The following EPHB6 variants were observed in gnomAD, a reference collection of about 807,000 sequenced individuals.
EPHB6 encodes EPH receptor B6, also known as ephrin type-B receptor 6.
Under a neutral mutation model 107.0 loss-of-function variants are expected in EPHB6, and 51 were observed. The ratio of observed to expected loss-of-function variants is 0.48; its 90% CI spans 0.38 to 0.60. The LOEUF (loss-of-function observed/expected upper bound fraction) is 0.60, where lower values mean the gene tolerates loss of function less well. Ranked by LOEUF, EPHB6 falls within the 20% of genes least tolerant of loss-of-function variation. The pLI is 0.00. For synonymous variants in EPHB6, 553 were observed against 549.0 expected (o/e 1.01, Z -0.10); for missense variants, 1,141 against 1,355.5 (o/e 0.84, Z 2.48).
In EPHB6 at chr7:142,870,824, G is replaced by A; in HGVS notation, c.2989G>A (p.Ala997Thr). The A allele has an allele frequency of 6.2e-7, 1 of 1,614,124 alleles. No individual in the cohort carries two copies. Among genetic ancestry groups the A allele is most frequent in the South Asian group, 1.1e-5 (1 of 91,086 alleles). Residue 997 changes from alanine (A) to threonine (T), a missense_variant, in exon 20 of 20, where the codon GCT becomes ACT. Physicochemically the swap from Ala to Thr is moderately conservative, Grantham distance 58. Around this residue, in one of 3 missense-constraint regions of EPHB6, gnomAD observed 616 missense variants for 759.3 expected, o/e 0.81. Coordinates refer to ENST00000652003, the MANE Select transcript of EPHB6 (RefSeq NM_004445.6). ...CCTGCCTGCCCTGGGCATCACCCTG[G>A]CTGGCCACCAGAAGAAGCTGCTGCA... ...EDLPALGITL[A>T]GHQKKLLHHI...
rs758001996 is a variant in EPHB6, at chr7:142,862,960, TC to T, written c.-102+128del. 13 of 532,212 alleles carry T rather than the reference TC, an allele frequency of 2.4e-5. 1 individual carries two copies. Among genetic ancestry groups the T allele is most frequent in the East Asian group, 2.1e-4 (7 of 32,694 alleles). 33.0% of individuals were successfully genotyped at this position (532,212 alleles called of 1,614,324 possible). A position where few individuals can be genotyped will look rare whatever the true frequency, so the allele number is the denominator to read the frequency against. ...CCAAGATGGTCAAATGTGCACCGGC[TC>T]AGGAGAGGCAGTATGCAACCTGGCT... On this transcript the variant is annotated intron_variant, in intron 4 of 19. Transcript: ENST00000652003.
rs541552138 is a variant in EPHB6 at position 142,866,118 on chromosome 7, G to A, written c.1264G>A (p.Gly422Arg). 1 of 1,613,272 alleles carries A rather than the reference G, an allele frequency of 6.2e-7. No homozygotes were observed. Among genetic ancestry groups the A allele is most frequent in the African/African-American group, 1.3e-5 (1 of 74,904 alleles). Reference sequence around the variant, plus strand: ...CCGCCAGGAACCTGCCAGCGGTGGTGGGGGCACTTGTCACCGCTGCAGGGA... The same window carrying A: ...CCGCCAGGAACCTGCCAGCGGTGGTAGGGGCACTTGTCACCGCTGCAGGGA... ...EGRQEPASGG[G>R]GTCHRCRDEV... The change falls in exon 9 of 20, where the codon GGG becomes AGG. Residue 422 changes from glycine to arginine, a missense_variant. Gly to Arg is a moderately radical substitution (Grantham distance 125). This residue lies in a region of EPHB6 where 304 missense variants were observed against 295.7 expected (regional missense o/e 1.03). Coordinates refer to ENST00000652003, the MANE Select transcript of EPHB6 (RefSeq NM_004445.6). The surrounding 1 kb of genome is among the most constrained non-coding windows in gnomAD (Gnocchi z 5.2).
Position 142,868,303 on chromosome 7 carries a change from G to A in EPHB6, c.1981G>A (p.Glu661Lys). 6.2e-7 allele frequency: 1 copy of A among 1,614,166 alleles called. No individual in the cohort carries two copies. The highest frequency in any genetic ancestry group is 2.2e-5 in the East Asian group (1 of 44,878). The part of the protein sequence containing the change: ...TYEDPCQAIR[E>K]LAREVDPAYI... ...CGAGGACCCCTGTCAGGCCATCCGA[G>A]AACTTGCCCGGGAAGTCGATCCTGC... is the stretch of plus-strand genomic sequence containing the variant. Residue 661 changes from glutamate to lysine, a missense_variant, in exon 14 of 20, where the codon GAA becomes AAA. This residue lies in a region of EPHB6 where 616 missense variants were observed against 759.3 expected (regional missense o/e 0.81). Coordinates refer to ENST00000652003, the MANE Select transcript of EPHB6 (RefSeq NM_004445.6). The surrounding 1 kb of genome is among the most constrained non-coding windows in gnomAD (Gnocchi z 4.2).
rs769994901 is a variant in EPHB6 at position 142,869,015 on chromosome 7, G to A, written c.2328G>A (p.Met776Ile). 1.9e-6 allele frequency: 3 copies of A among 1,612,000 alleles called. No homozygotes were observed. In the African/African-American group the frequency reaches 4.0e-5, roughly 22 times the overall value. Residue 776 changes from methionine to isoleucine, a missense_variant, in exon 16 of 20, where the codon ATG becomes ATA. This residue lies in a region of EPHB6 where 616 missense variants were observed against 759.3 expected (regional missense o/e 0.81). Coordinates refer to ENST00000652003, the MANE Select transcript of EPHB6 (RefSeq NM_004445.6). The surrounding 1 kb of genome is among the most constrained non-coding windows in gnomAD (Gnocchi z 4.5). ...GQFSSLQLVA[M>I]QRGVAAAMQY... ...TCAGCAGCCTGCAGCTGGTGGCCAT[G>A]CAGCGGGGAGTGGCTGCTGCCATGC...
chr7:142,866,728 C>T lies in EPHB6; in HGVS notation c.1587+123C>T. 1.3e-6 allele frequency: 2 copies of T among 1,589,636 alleles called. No homozygotes were observed. Among genetic ancestry groups the T allele is most frequent in the Non-Finnish European group, 1.7e-6 (2 of 1,162,928 alleles). ...GGGTCCGCAACAGGGCTGGCAGGAG[C>T]TCACAGTCCCCACAGTAGGGGCCAG... On this transcript the variant is annotated intron_variant, in intron 10 of 19. Coordinates refer to ENST00000652003, the MANE Select transcript of EPHB6 (RefSeq NM_004445.6). The surrounding 1 kb of genome is among the most constrained non-coding windows in gnomAD (Gnocchi z 5.2).
intron 8 of EPHB6, 105 bp from the exon 9 acceptor site, chr7:142,865,855 C>T (rs1803131845): frequency 2.3e-6 from 3 of 1,281,760 alleles, no homozygotes; most frequent in Non-Finnish European, 2.2e-6. Flanking sequence ...GCTCTTCTGT[C>T]TCCTTCCCTC....
rs922710754 is a variant in EPHB6, at chr7:142,869,211, T to G, written c.2460+64T>G. 2 of 1,568,746 alleles carry G rather than the reference T, an allele frequency of 1.3e-6. No homozygotes were observed. Among genetic ancestry groups the G allele is most frequent in the Non-Finnish European group, 1.7e-6 (2 of 1,149,266 alleles). ...TGGCATGCCCCAGCAGGTGCTGGGGTCGGGGGTGAGCTGGAATCTGGGGTA... is the reference window on the plus strand; with the variant it reads ...TGGCATGCCCCAGCAGGTGCTGGGGGCGGGGGTGAGCTGGAATCTGGGGTA... On this transcript the variant is annotated intron_variant, in intron 16 of 19. Transcript: ENST00000652003. This position sits in a 1 kb window ranked among gnomAD's most constrained non-coding sequence, Gnocchi z 4.5.
rs750004214 is a variant in EPHB6, at chr7:142,864,566, C to G, written c.766C>G (p.Leu256Val). ...GGCCAGTGGGGCTGGGGGGGCCTCC[C>G]TGGTGGCAGCTGTGGGCACCTGTGT... ...TQASGAGGAS[L>V]VAAVGTCVAH... The change falls in exon 7 of 20, where the codon CTG becomes GTG. Residue 256 changes from leucine (L) to valine (V), a missense_variant. Leu to Val is a conservative substitution (Grantham distance 32, BLOSUM62 1). Transcript: ENST00000652003. The G allele has an allele frequency of 6.2e-7, 1 of 1,613,114 alleles. No individual in the cohort carries two copies. The highest frequency in any genetic ancestry group is 1.1e-5 in the South Asian group (1 of 91,086).
At chr7:142,856,022 G>C (rs1802593389) in intron 1 of EPHB6, among the ~76,000 whole-genome samples, 1 of 152,156 alleles carries the variant, frequency 6.6e-6, no homozygotes, top group South Asian at 2.1e-4. Flanking sequence ...CCCACCCACC[G>C]ATCTTGGCCG....
Position 142,866,038 on chromosome 7 carries a change from A to T in EPHB6, c.1184A>T (p.Glu395Val). The change falls in exon 9 of 20, where the codon GAG (glutamate) becomes GTG (valine). Residue 395 changes from glutamate to valine, a missense_variant. Glu to Val is a moderately radical substitution (Grantham distance 121, BLOSUM62 -2). Around this residue, in one of 3 missense-constraint regions of EPHB6, gnomAD observed 304 missense variants for 295.7 expected, o/e 1.03. Transcript: ENST00000652003. The surrounding 1 kb of genome is among the most constrained non-coding windows in gnomAD (Gnocchi z 5.2). ...ALMLHWRLPR[E>V]LGGRGDLLFN... ...ATGCTACACTGGCGCCTGCCTCGGGAGCTGGGGGGTCGAGGGGACCTGCTC... is the reference window on the plus strand; with the variant it reads ...ATGCTACACTGGCGCCTGCCTCGGGTGCTGGGGGGTCGAGGGGACCTGCTC... 1 of 1,613,196 alleles carries T rather than the reference A, an allele frequency of 6.2e-7. No homozygotes were observed. Among genetic ancestry groups the T allele is most frequent in the Non-Finnish European group, 8.5e-7 (1 of 1,179,642 alleles).
chr7:142,870,168 C>G (rs1347398194), intron 17 of EPHB6, 46 bp from the exon 18 acceptor site: 2 of 1,612,334 alleles, frequency 1.2e-6, no homozygotes, highest in African/African-American at 1.3e-5. Context: ...GTACTCCCCT[C>G]TACTAACAAA....
chr7:142,866,691 A>G lies in EPHB6; in HGVS notation c.1587+86A>G. On this transcript the variant is annotated intron_variant, in intron 10 of 19. Transcript: ENST00000652003. The surrounding 1 kb of genome is among the most constrained non-coding windows in gnomAD (Gnocchi z 5.2). ...GGGGCCCAGAGGTGACCAGGTGCAC[A>G]GGAGGAATGAGGGGTCCGCAACAGG... The G allele has an allele frequency of 6.2e-7, 1 of 1,608,030 alleles. No individual in the cohort carries two copies.
In EPHB6 at chr7:142,864,620, G is replaced by C. The variant is rs1263681604; in HGVS notation, c.820G>C (p.Val274Leu). ...VAHAEPEEDG[V>L]GGQAGGSPPR... ...TCATGCAGAGCCAGAGGAGGATGGA[G>C]TAGGGGGCCAGGCAGGAGGCAGCCC... The change falls in exon 7 of 20, where the codon GTA (valine) becomes CTA (leucine). Residue 274 changes from valine to leucine, a missense_variant. Coordinates refer to ENST00000652003, the MANE Select transcript of EPHB6 (RefSeq NM_004445.6). 6.2e-7 allele frequency: 1 copy of C among 1,612,576 alleles called. No individual in the cohort carries two copies. The highest frequency in any genetic ancestry group is 8.5e-7 in the Non-Finnish European group (1 of 1,179,612).
Position 142,866,797 on chromosome 7 carries a change from G to C in EPHB6, c.1588-109G>C, listed in dbSNP as rs186950384. On this transcript the variant is annotated intron_variant, in intron 10 of 19. Transcript: ENST00000652003. The surrounding 1 kb of genome is among the most constrained non-coding windows in gnomAD (Gnocchi z 5.2). ...GAGGTGCCCAGAAGTGTGCAGCACT[G>C]GGCATGTGTCTGAGAGCCCTGTCAA... 1 of 1,592,540 alleles carries C rather than the reference G, an allele frequency of 6.3e-7. No homozygotes were observed. The highest frequency in any genetic ancestry group is 1.7e-5 in the Admixed American group (1 of 59,366).
chr7:142,865,451 C>G, intron 7 of EPHB6, 24 bp from the exon 8 acceptor site: 1 of 1,612,336 alleles, frequency 6.2e-7, no homozygotes, highest in Non-Finnish European at 8.5e-7. Flanking sequence ...AGTGTGACGC[C>G]CCCACTCTCC....
chr7:142,868,744 G>T lies in EPHB6; in HGVS notation c.2286+5G>T. ...CCCCTGGACAGCTTCCTCAGGGTCA[G>T]TCCAGCCTGGGTGAAGGAGGAGGGT... On this transcript the variant is annotated splice_donor_5th_base_variant and intron_variant, in intron 15 of 19. Coordinates refer to ENST00000652003, the MANE Select transcript of EPHB6 (RefSeq NM_004445.6). The surrounding 1 kb of genome is among the most constrained non-coding windows in gnomAD (Gnocchi z 4.2). The T allele has an allele frequency of 6.2e-7, 1 of 1,613,850 alleles. No individual in the cohort carries two copies. Among genetic ancestry groups the T allele is most frequent in the Non-Finnish European group, 8.5e-7 (1 of 1,180,024 alleles).
rs543872280 is a variant in EPHB6 at position 142,871,013 on chromosome 7, A to G, written c.*109A>G. On this transcript the variant is annotated 3_prime_UTR_variant, in exon 20 of 20. Transcript: ENST00000652003. ...TGAGAGATGCCCCACACCAAACCCAACCCTCCCGATGGCTGCATTCCCTGG... is the reference window on the plus strand; with the variant it reads ...TGAGAGATGCCCCACACCAAACCCAGCCCTCCCGATGGCTGCATTCCCTGG... 20 of 1,012,388 alleles carry G rather than the reference A, an allele frequency of 2.0e-5. No homozygotes were observed. Among genetic ancestry groups the G allele is most frequent in the East Asian group, 2.6e-5 (1 of 38,530 alleles). 62.7% of individuals were successfully genotyped at this position (1,012,388 alleles called of 1,614,324 possible).
Position 142,868,866 on chromosome 7 carries a change from TTC to T in EPHB6, c.2287-106_2287-105del. 1 of 1,593,872 alleles carries T rather than the reference TTC, an allele frequency of 6.3e-7. No homozygotes were observed. The highest frequency in any genetic ancestry group is 8.5e-7 in the Non-Finnish European group (1 of 1,171,980). ...TCTCCGTCCTTCCTTCCCAGCCATTTTCTGATTCGACACCCTCCCGCTCTCAT... is the reference window on the plus strand; with the variant it reads ...TCTCCGTCCTTCCTTCCCAGCCATTTTGATTCGACACCCTCCCGCTCTCAT... On this transcript the variant is annotated intron_variant, in intron 15 of 19. Transcript: ENST00000652003. This position sits in a 1 kb window ranked among gnomAD's most constrained non-coding sequence, Gnocchi z 4.2.
At position 142,863,287 on chromosome 7, in the gene EPHB6, A is replaced by G. The variant is rs1241084289; in HGVS notation, c.60A>G (p.Leu20=). The change falls in exon 5 of 20, where the codon CTA becomes CTG. Residue 20 remains leucine (L), a synonymous_variant. Transcript: ENST00000652003. The stretch of plus-strand genomic sequence containing the variant: ...GAGTGGCGGGCATGGTGTGTAGCCT[A>G]TGGGTGCTGCTCCTGGTGTCTTCAG... ...GNRVAGMVCS[L]WVLLLVSSVL... is the part of the protein sequence containing the mutation. 12 of 1,613,504 alleles carry G rather than the reference A, an allele frequency of 7.4e-6. No individual in the cohort carries two copies. The highest frequency in any genetic ancestry group is 1.7e-5 in the Admixed American group (1 of 59,986).
Sources: allele counts gnomAD v4.1 joint callset (sites outside exome capture counted in the v4.1 genomes callset), GRCh38; gene constraint gnomAD v4.1.1; regional missense constraint gnomAD v4.1.1; non-coding constraint Gnocchi (gnomAD v3.1); transcripts MANE v1.5; gene names NCBI Gene and HGNC (gene_info 2026-07-23, HGNC 2026-07-21).